The following TPST1 variants were observed in gnomAD, a reference collection of about 807,000 sequenced individuals.
TPST1 encodes the protein protein-tyrosine sulfotransferase 1.
TPST1 carries 20 observed loss-of-function variants against 34.8 expected under a neutral mutation model. The observed-to-expected ratio is 0.57, with a 90% confidence interval of 0.40 to 0.84. TPST1 has a LOEUF of 0.84. TPST1 is among the 40% of genes least tolerant of loss of function. TPST1 has a pLI of 0.00. For synonymous variants in TPST1, 152 were observed against 159.4 expected (o/e 0.95, Z 0.35); for missense variants, 353 against 455.5 (o/e 0.78, Z 2.05).
intron 3 of TPST1, among the ~76,000 whole-genome samples, chr7:66,345,944 A>G (rs1584257815): frequency 6.6e-6 from 1 of 151,882 alleles, no homozygotes; most frequent in African/African-American, 2.4e-5. Flanking sequence ...ATATTTTTGT[A>G]CCCTATAATT....
intron 3 of TPST1, among the ~76,000 whole-genome samples, chr7:66,309,192 C>T (rs948566927): frequency 5.9e-5 from 9 of 152,194 alleles, no homozygotes; most frequent in African/African-American, 2.2e-4. Flanking sequence ...AGCCACTGCA[C>T]CTGGCTTGAA....
intron 1 of TPST1, among the ~76,000 whole-genome samples, chr7:66,206,859 C>G (rs940265499): frequency 6.6e-6 from 1 of 152,126 alleles, no homozygotes; most frequent in East Asian, 1.9e-4. Context: ...AGCTGCTGTA[C>G]AGACCAAATA....
intron 2 of TPST1, 40 bp downstream of exon 2, chr7:66,241,310 A>T: frequency 6.4e-7 from 1 of 1,560,218 alleles, no homozygotes; most frequent in Non-Finnish European, 8.6e-7. Context: ...CTCTATATTT[A>T]GCTAATAATG....
chr7:66,216,624 C>G (rs1200190857), intron 1 of TPST1, among the ~76,000 whole-genome samples: 1 of 152,124 alleles, frequency 6.6e-6, no homozygotes, highest in Non-Finnish European at 1.5e-5. Flanking sequence ...TGCCTGCCAC[C>G]ACGCCCAGCT....
chr7:66,301,182 T>C lies in TPST1; in HGVS notation c.1044+14473T>C, dbSNP rs188569272. Among the ~76,000 whole-genome samples the C allele has an allele frequency of 4.7e-4, 71 of 152,340 alleles. 1 individual carries two copies. The highest frequency in any genetic ancestry group is 1.7e-3 in the Admixed American group (26 of 15,296). On this transcript the variant is annotated intron_variant, in intron 3 of 5. Coordinates refer to ENST00000304842, the MANE Select transcript of TPST1 (RefSeq NM_003596.4). Reference sequence around the variant, plus strand: ...GGCTGAAAATTGCATTTTTATGTTATGGAGATAGCTTCTTTCCTTAATCTT... The same window carrying C: ...GGCTGAAAATTGCATTTTTATGTTACGGAGATAGCTTCTTTCCTTAATCTT...
intron 3 of TPST1, among the ~76,000 whole-genome samples, chr7:66,318,901 T>C (rs1290555523): frequency 6.6e-6 from 1 of 152,236 alleles, no homozygotes; most frequent in Non-Finnish European, 1.5e-5. Context: ...ATCAGCACTT[T>C]GAAGATATTT....
intron 3 of TPST1, among the ~76,000 whole-genome samples, chr7:66,342,404 G>A (rs1447483713): frequency 2.0e-5 from 3 of 152,142 alleles, no homozygotes; most frequent in East Asian, 3.9e-4. Context: ...GAAATAAGCC[G>A]TAGCACTCCT....
intron 3 of TPST1, among the ~76,000 whole-genome samples, chr7:66,351,185 G>A (rs568350320): frequency 5.9e-5 from 9 of 152,264 alleles, no homozygotes; most frequent in African/African-American, 2.2e-4. Flanking sequence ...TTTTTTAAAT[G>A]AAGATGTAGT....
At chr7:66,316,222 G>A (rs1054239266) in intron 3 of TPST1, among the ~76,000 whole-genome samples, 4 of 151,728 alleles carry the variant, frequency 2.6e-5, no homozygotes, top group Non-Finnish European at 4.4e-5. Flanking sequence ...ATTTAGAATT[G>A]TTTTTAAGGG....
At chr7:66,276,259 C>T (rs1480186365) in intron 2 of TPST1, among the ~76,000 whole-genome samples, 1 of 150,358 alleles carries the variant, frequency 6.7e-6, no homozygotes, top group African/African-American at 2.4e-5. Context: ...CCCTTTGATT[C>T]TCTTCTTCAA....
chr7:66,240,459 G>T lies in TPST1; in HGVS notation c.34G>T (p.Ala12Ser). 1 of 1,614,048 alleles carries T rather than the reference G, an allele frequency of 6.2e-7. No homozygotes were observed. Among genetic ancestry groups the T allele is most frequent in the Admixed American group, 1.7e-5 (1 of 60,000 alleles). ...AAAGCTGAAGCAGAACTTACTATTGGCATGTCTGGTGATTAGTTCTGTGAC... is the reference window on the plus strand; with the variant it reads ...AAAGCTGAAGCAGAACTTACTATTGTCATGTCTGGTGATTAGTTCTGTGAC... ...VGKLKQNLLL[A>S]CLVISSVTVF... is the part of the protein sequence containing the mutation. Residue 12 changes from alanine to serine, a missense_variant, in exon 2 of 6, where the codon GCA (alanine) becomes TCA (serine). Coordinates refer to ENST00000304842, the MANE Select transcript of TPST1 (RefSeq NM_003596.4).
intron 5 of TPST1, among the ~76,000 whole-genome samples, chr7:66,357,942 G>T (rs1792615238): frequency 6.6e-6 from 1 of 152,154 alleles, no homozygotes; most frequent in Non-Finnish European, 1.5e-5. Context: ...AAATTAGCTG[G>T]GTGTGGTGGC....
At chr7:66,227,093 G>T (rs1301421139) in intron 1 of TPST1, among the ~76,000 whole-genome samples, 2 of 132,784 alleles carry the variant, frequency 1.5e-5, no homozygotes, top group African/African-American at 2.8e-5. Flanking sequence ...GAGTGCAGTG[G>T]TGCAGTCTCA....
chr7:66,285,833 G>A (rs1444710088), intron 2 of TPST1, among the ~76,000 whole-genome samples: 2 of 152,086 alleles, frequency 1.3e-5, no homozygotes, highest in Non-Finnish European at 2.9e-5. Flanking sequence ...ATGTCAAGAG[G>A]TAGAACACAT....
In TPST1 at chr7:66,286,725, T is replaced by A; in HGVS notation, c.1044+16T>A. ...CACTCGAAGGGTAAGTGAGATTTTT[T>A]AAAGCAACTGAGAAAACTAGATTTT... On this transcript the variant is annotated intron_variant, in intron 3 of 5. Coordinates refer to ENST00000304842, the MANE Select transcript of TPST1 (RefSeq NM_003596.4). 1 of 1,473,566 alleles carries A rather than the reference T, an allele frequency of 6.8e-7. No individual in the cohort carries two copies. Among genetic ancestry groups the A allele is most frequent in the Non-Finnish European group, 9.1e-7 (1 of 1,104,752 alleles). The allele number at this position is 1,473,566 out of a possible 1,614,324, so 91.3% of individuals were successfully genotyped here. A position where few individuals can be genotyped will look rare whatever the true frequency, so the allele number is the denominator to read the frequency against.
intron 1 of TPST1, among the ~76,000 whole-genome samples, chr7:66,232,332 A>G (rs187492532): frequency 6.6e-6 from 1 of 151,164 alleles, no homozygotes; most frequent in East Asian, 2.0e-4. Context: ...CCTCCTGAGT[A>G]GCTGGGACCA....
intron 1 of TPST1, among the ~76,000 whole-genome samples, chr7:66,229,730 T>G (rs925380802): frequency 3.3e-5 from 5 of 152,188 alleles, no homozygotes; most frequent in African/African-American, 1.2e-4. Flanking sequence ...ATATCTATCA[T>G]TGGGCATTCC....
At chr7:66,299,497 TTGAC>T (rs1423140590) in intron 3 of TPST1, among the ~76,000 whole-genome samples, 1 of 152,090 alleles carries the variant, frequency 6.6e-6, no homozygotes, top group African/African-American at 2.4e-5. Flanking sequence ...TTTTTTTTCT[TTGAC>T]TGCTATAAGA....
chr7:66,252,794 C>A (rs1790295084), intron 2 of TPST1, among the ~76,000 whole-genome samples: 1 of 152,068 alleles, frequency 6.6e-6, no homozygotes, highest in South Asian at 2.1e-4. Flanking sequence ...TTCTTCCATA[C>A]TCTGAGGTCA....
Sources: gnomAD v4.1 joint callset for allele counts (sites outside exome capture counted in the v4.1 genomes callset) on GRCh38, gnomAD v4.1.1 for gene constraint, MANE v1.5 for transcripts, NCBI Gene and HGNC (gene_info 2026-07-23, HGNC 2026-07-21) for gene names.